The following ABHD8 variants were observed in gnomAD, a reference collection of about 807,000 sequenced individuals.
ABHD8 encodes protein ABHD8.
Under a neutral mutation model 29.3 loss-of-function variants are expected in ABHD8, and 10 were observed. That is an observed-to-expected ratio of 0.34 (90% CI 0.21 to 0.58). ABHD8 has a LOEUF of 0.58. Among genes scored for constraint, ABHD8 ranks in the 20% least tolerant of loss-of-function variants. The pLI, the probability that ABHD8 is intolerant of heterozygous loss-of-function variation, is 0.85. For synonymous variants in ABHD8, 282 were observed against 274.6 expected (o/e 1.03, Z -0.27); for missense variants, 556 against 615.3 (o/e 0.90, Z 1.02).
rs747389254 is a variant in ABHD8, at chr19:17,301,182, ACCACTG to A, written c.429_434del (p.Ser144_Gly145del). On this transcript the variant is annotated inframe_deletion, in exon 2 of 5. Coordinates refer to ENST00000247706, the MANE Select transcript of ABHD8 (RefSeq NM_024527.5). ...GGCGCCTGGCTCGCCGCCGCCGCCC[ACCACTG>A]CCACTGCCGCTGCCGCTGCCTGCGC... 9 of 1,605,632 alleles carry A rather than the reference ACCACTG, an allele frequency of 5.6e-6. No individual in the cohort carries two copies. The highest frequency in any genetic ancestry group is 2.7e-5 in the African/African-American group (2 of 74,766).
chr19:17,298,775 C>CTGT (rs1288942832), intron 2 of ABHD8, among the ~76,000 whole-genome samples: 1 of 117,262 alleles, frequency 8.5e-6, no homozygotes, highest in Non-Finnish European at 1.6e-5. Context: ...GAGTCTCACT[C>CTGT]TGTTGCTCAG....
At position 17,292,805 on chromosome 19, in the gene ABHD8, G is replaced by A. The variant is rs1168664645; in HGVS notation, c.1176C>T (p.Leu392=). ...TCACCATGTGGCTGCCCTCGTCGAT[G>A]AGCTTCAGGAATGCCAGGAGCAGGA... ...AEILLLAFLK[L]IDEGSHMVML... is the part of the protein sequence containing the mutation. Residue 392 remains leucine, a synonymous_variant, in exon 5 of 5, where the codon CTC becomes CTT. Transcript: ENST00000247706. 1 of 1,612,890 alleles carries A rather than the reference G, an allele frequency of 6.2e-7. No homozygotes were observed. The highest frequency in any genetic ancestry group is 1.7e-5 in the Admixed American group (1 of 59,934).
Position 17,294,721 on chromosome 19 carries a change from A to C in ABHD8, c.886T>G (p.Cys296Gly), listed in dbSNP as rs1568346834. 21 of 1,614,064 alleles carry C rather than the reference A, an allele frequency of 1.3e-5. No individual in the cohort carries two copies. Among genetic ancestry groups the C allele is most frequent in the African/African-American group, 1.3e-5 (1 of 74,938 alleles). ...SFCSIFNMPT[C>G]VLHCLSPCLA... ...CAGGGCGACAAGCAGTGCAGGACGCAGGTGGGCATGTTGAAGATTGAGCAG... is the reference window on the plus strand; with the variant it reads ...CAGGGCGACAAGCAGTGCAGGACGCCGGTGGGCATGTTGAAGATTGAGCAG... Residue 296 changes from cysteine (C) to glycine (G), a missense_variant, in exon 3 of 5, where the codon TGC becomes GGC. Cys to Gly is a radical substitution (Grantham distance 159). This residue lies in a region of ABHD8 where 270 missense variants were observed against 353.9 expected (regional missense o/e 0.76). Transcript: ENST00000247706.
chr19:17,301,213 C>A lies in ABHD8; in HGVS notation c.404G>T (p.Ser135Ile). Residue 135 changes from serine (S) to isoleucine (I), a missense_variant, in exon 2 of 5, where the codon AGC (serine) becomes ATC (isoleucine). By Grantham distance (142) the Ser-to-Ile change is moderately radical. Around this residue, in one of 2 missense-constraint regions of ABHD8, gnomAD observed 286 missense variants for 261.4 expected, o/e 1.09. Coordinates refer to ENST00000247706, the MANE Select transcript of ABHD8 (RefSeq NM_024527.5). The stretch of plus-strand genomic sequence containing the variant: ...GCCACTGCCGCTGCCGCTGCCTGCG[C>A]TGCCGGGGGCCAAGCGGCCATCGCT... ...AGSDGRLAPG[S>I]AGSGSGSGSG... is the part of the protein sequence containing the mutation. 6.3e-7 allele frequency: 1 copy of A among 1,595,314 alleles called. No individual in the cohort carries two copies.
At chr19:17,298,473 G>A (rs2074102894) in intron 2 of ABHD8, 1 of 152,118 alleles carries the variant, frequency 6.6e-6, no homozygotes, top group Admixed American at 6.6e-5. Flanking sequence ...ATTCCGATGA[G>A]CGCTTCCTGA....
At chr19:17,299,239 C>CG (rs1157758593) in intron 2 of ABHD8, among the ~76,000 whole-genome samples, 1 of 144,252 alleles carries the variant, frequency 6.9e-6, no homozygotes, top group Non-Finnish European at 1.6e-5. Context: ...ATGAGACCCC[C>CG]CCCCCATTCT....
chr19:17,294,591 T>C (rs981887148), intron 3 of ABHD8, 84 bp downstream of exon 3: 9 of 1,607,372 alleles, frequency 5.6e-6, no homozygotes, highest in Non-Finnish European at 7.7e-6. Context: ...GTCCCAGCGG[T>C]ACAGTCCCCC....
Position 17,301,492 on chromosome 19 carries a change from C to T in ABHD8, c.125G>A (p.Arg42His), listed in dbSNP as rs1227527679. ...GYTFVEVKPG[R>H]VLRVKHAGPA... Reference sequence around the variant, plus strand: ...TCCTGCATGCTTCACCCGCAGCACGCGGCCGGGCTTGACCTCTACAAAGGT... The same window carrying T: ...TCCTGCATGCTTCACCCGCAGCACGTGGCCGGGCTTGACCTCTACAAAGGT... The change falls in exon 2 of 5, where the codon CGC (arginine) becomes CAC (histidine). Residue 42 changes from arginine (R) to histidine (H), a missense_variant. Physicochemically the swap from Arg to His is conservative, Grantham distance 29 (BLOSUM62 0). Transcript: ENST00000247706. 1 of 1,611,696 alleles carries T rather than the reference C, an allele frequency of 6.2e-7. No individual in the cohort carries two copies.
chr19:17,295,353 C>T (rs962729017), intron 2 of ABHD8, among the ~76,000 whole-genome samples: 7 of 152,058 alleles, frequency 4.6e-5, no homozygotes, highest in African/African-American at 1.7e-4. Flanking sequence ...GTGATCCATC[C>T]GCCTCGGCCT....
At chr19:17,299,244 C>G (rs1026345756) in intron 2 of ABHD8, among the ~76,000 whole-genome samples, 7 of 148,068 alleles carry the variant, frequency 4.7e-5, no homozygotes, top group Admixed American at 3.4e-4. Context: ...ACCCCCCCCC[C>G]ATTCTCTATA....
At chr19:17,295,166 C>G (rs1207215901) in intron 2 of ABHD8, among the ~76,000 whole-genome samples, 1 of 132,080 alleles carries the variant, frequency 7.6e-6, no homozygotes, top group Non-Finnish European at 1.5e-5. Context: ...ACTGCAGTGG[C>G]GCAATCTCGG....
chr19:17,301,567 G>A lies in ABHD8; in HGVS notation c.50C>T (p.Pro17Leu), dbSNP rs780297252. Reference sequence around the variant, plus strand: ...CTCCAGTGGCCCCACGGCGTTGGGGGGCGTGCCCAGCAGGCAACAGAAGAT... The same window carrying A: ...CTCCAGTGGCCCCACGGCGTTGGGGAGCGTGCCCAGCAGGCAACAGAAGAT... The part of the protein sequence containing the change: ...DGIFCCLLGT[P>L]PNAVGPLESV... Residue 17 changes from proline to leucine, a missense_variant, in exon 2 of 5, where the codon CCC becomes CTC. Around this residue, in one of 2 missense-constraint regions of ABHD8, gnomAD observed 286 missense variants for 261.4 expected, o/e 1.09. Coordinates refer to ENST00000247706, the MANE Select transcript of ABHD8 (RefSeq NM_024527.5). 7.0e-5 allele frequency: 112 copies of A among 1,596,584 alleles called. No individual in the cohort carries two copies. Among genetic ancestry groups the A allele is most frequent in the Non-Finnish European group, 9.3e-5 (109 of 1,170,562 alleles).
In ABHD8 at chr19:17,292,554, C is replaced by A; in HGVS notation, c.*107G>T. 3.1e-6 allele frequency: 4 copies of A among 1,310,958 alleles called. No homozygotes were observed. Among genetic ancestry groups the A allele is most frequent in the Non-Finnish European group, 4.0e-6 (4 of 1,001,770 alleles). 81.2% of individuals were successfully genotyped at this position (1,310,958 alleles called of 1,614,324 possible). A position where few individuals can be genotyped will look rare whatever the true frequency, so the allele number is the denominator to read the frequency against. ...GTCTCCCTGACCTGGCCCCGCCCAC[C>A]GGAGCGAACGGCCCGCCCAGGTGGT... On this transcript the variant is annotated 3_prime_UTR_variant, in exon 5 of 5. Transcript: ENST00000247706.
At position 17,295,090 on chromosome 19, in the gene ABHD8, ATTTTTTTTT is replaced by A. The variant is rs779607230; in HGVS notation, c.762-254_762-246del. Among the ~76,000 whole-genome samples, 22 of 80,416 alleles carry A rather than the reference ATTTTTTTTT, an allele frequency of 2.7e-4. No individual in the cohort carries two copies. In the East Asian group the frequency reaches 4.0e-3, roughly 15 times the overall value. The allele number at this position is 80,416 out of a possible 152,430, so 52.8% of individuals were successfully genotyped here. ...AGGCGCACACCACCACACCCAGGTAATTTTTTTTTTTTTTTTTTTTTTTTTTGAGACGGA... is the reference window on the plus strand; with the variant it reads ...AGGCGCACACCACCACACCCAGGTAATTTTTTTTTTTTTTTTTGAGACGGA... On this transcript the variant is annotated intron_variant, in intron 2 of 4. Transcript: ENST00000247706.
rs1387763658 is a variant in ABHD8, at chr19:17,292,489, C to G, written c.*172G>C. 8 of 738,920 alleles carry G rather than the reference C, an allele frequency of 1.1e-5. No individual in the cohort carries two copies. The highest frequency in any genetic ancestry group is 1.9e-5 in the African/African-American group (1 of 53,254). The allele number at this position is 738,920 out of a possible 1,614,324, so 45.8% of individuals were successfully genotyped here. On this transcript the variant is annotated 3_prime_UTR_variant, in exon 5 of 5. Coordinates refer to ENST00000247706, the MANE Select transcript of ABHD8 (RefSeq NM_024527.5). ...AGCGGAGAGCGGAATGTCCGCTGGGCTCCCTCGGATGCCACGCCCCGCCCA... is the reference window on the plus strand; with the variant it reads ...AGCGGAGAGCGGAATGTCCGCTGGGGTCCCTCGGATGCCACGCCCCGCCCA...
At position 17,294,693 on chromosome 19, in the gene ABHD8, A is replaced by G; in HGVS notation, c.914T>C (p.Leu305Pro). The change falls in exon 3 of 5, where the codon CTG becomes CCG. Residue 305 changes from leucine to proline, a missense_variant. Around this residue, in one of 2 missense-constraint regions of ABHD8, gnomAD observed 270 missense variants for 353.9 expected, o/e 0.76. Transcript: ENST00000247706. Reference sequence around the variant, plus strand: ...CACTCACTTGAGGAAGCTCCAGGCCAGGCAGGGCGACAAGCAGTGCAGGAC... The same window carrying G: ...CACTCACTTGAGGAAGCTCCAGGCCGGGCAGGGCGACAAGCAGTGCAGGAC... Reference protein sequence around the residue: ...TCVLHCLSPCLAWSFLKAGFA... With the variant: ...TCVLHCLSPCPAWSFLKAGFA... 6.2e-7 allele frequency: 1 copy of G among 1,614,062 alleles called. No homozygotes were observed. Among genetic ancestry groups the G allele is most frequent in the Non-Finnish European group, 8.5e-7 (1 of 1,179,994 alleles).
Position 17,292,453 on chromosome 19 carries a change from C to A in ABHD8, c.*208G>T. The A allele has an allele frequency of 1.7e-6, 1 of 595,342 alleles. No homozygotes were observed. The highest frequency in any genetic ancestry group is 3.3e-5 in the East Asian group (1 of 29,928). The allele number at this position is 595,342 out of a possible 1,614,324, so 36.9% of individuals were successfully genotyped here. On this transcript the variant is annotated 3_prime_UTR_variant, in exon 5 of 5. Transcript: ENST00000247706. ...GCGGCCCCAAAACGCCGATGGGCCC[C>A]GCGGGACGGAAGCGGAGAGCGGAAT...
At chr19:17,293,036 A>G (rs933405377) in intron 4 of ABHD8, among the ~76,000 whole-genome samples, 2 of 152,036 alleles carry the variant, frequency 1.3e-5, no homozygotes, top group Non-Finnish European at 2.9e-5. Flanking sequence ...TCAGGCATCC[A>G]GCATTTATTA....
chr19:17,292,517 C>A lies in ABHD8; in HGVS notation c.*144G>T, dbSNP rs992625214. On this transcript the variant is annotated 3_prime_UTR_variant, in exon 5 of 5. Coordinates refer to ENST00000247706, the MANE Select transcript of ABHD8 (RefSeq NM_024527.5). ...CCTCGGATGCCACGCCCCGCCCAGG[C>A]AGCCTGGGGGCGTCTCCCTGACCTG... 6.3e-5 allele frequency: 61 copies of A among 973,576 alleles called. No individual in the cohort carries two copies. The highest frequency in any genetic ancestry group is 8.2e-5 in the Non-Finnish European group (58 of 705,712). The allele number at this position is 973,576 out of a possible 1,614,324, so 60.3% of individuals were successfully genotyped here.
Sources: gnomAD v4.1 joint callset for allele counts (sites outside exome capture counted in the v4.1 genomes callset) on GRCh38, gnomAD v4.1.1 for gene constraint, gnomAD v4.1.1 regional missense constraint, MANE v1.5 for transcripts, NCBI Gene and HGNC (gene_info 2026-07-23, HGNC 2026-07-21) for gene names.